GPC6: variants seen among roughly 807,000 people sequenced by gnomAD.
The protein encoded by GPC6 is glypican-6.
A neutral mutation model predicts 55.2 loss-of-function variants in GPC6; 14 were observed. The observed-to-expected ratio is 0.25, with a 90% CI of 0.17 to 0.40. The LOEUF is 0.40. GPC6 is among the 10% of genes least tolerant of loss of function. The pLI is 1.00. For missense variants in GPC6, 641 were observed against 708.5 expected (o/e 0.90, Z 1.08); for synonymous variants, 278 against 259.6 (o/e 1.07, Z -0.68).
chr13:93,585,843 T>C (rs956440900), intron 2 of GPC6, among the ~76,000 whole-genome samples: 10 of 152,198 alleles, frequency 6.6e-5, no homozygotes, highest in African/African-American at 2.2e-4. Context: ...GATATGGCTA[T>C]GTTATTTGTT....
chr13:93,341,206 AT>A (rs771353820), intron 1 of GPC6, among the ~76,000 whole-genome samples: 6 of 152,212 alleles, frequency 3.9e-5, no homozygotes, highest in Non-Finnish European at 8.8e-5. Flanking sequence ...ATTGTGTGCT[AT>A]AAACATATGT....
chr13:93,783,241 T>C (rs1404981170), intron 2 of GPC6, among the ~76,000 whole-genome samples: 1 of 152,214 alleles, frequency 6.6e-6, no homozygotes, highest in African/African-American at 2.4e-5. Context: ...TTGGGCTGAT[T>C]CCATGTCTTT....
In GPC6 at chr13:94,270,964, ATTTTTTTTTTTTTTTTTTTTTTTTT is replaced by A. The variant is rs764819082; in HGVS notation, c.878-15368_878-15344del. Among the ~76,000 whole-genome samples the A allele has an allele frequency of 4.0e-4, 20 of 49,674 alleles. 1 individual carries two copies. In the South Asian group the frequency reaches 7.0e-3, roughly 17 times the overall value. 32.6% of individuals were successfully genotyped at this position (49,674 alleles called of 152,430 possible). The stretch of plus-strand genomic sequence containing the variant: ...AAAGGACCAGAGACAGAGAAGTATA[ATTTTTTTTTTTTTTTTTTTTTTTTT>A]TTTTTTTTTTTTTTTTCTGAGACGG... On this transcript the variant is annotated intron_variant, in intron 4 of 8. Transcript: ENST00000377047.
intron 1 of GPC6, among the ~76,000 whole-genome samples, chr13:93,498,807 A>G (rs1253567903): frequency 6.6e-6 from 1 of 152,144 alleles, no homozygotes; most frequent in African/African-American, 2.4e-5. Flanking sequence ...CATATTCTTT[A>G]TGATATTACT....
chr13:93,532,197 A>G (rs1881894834), intron 1 of GPC6, among the ~76,000 whole-genome samples: 1 of 152,180 alleles, frequency 6.6e-6, no homozygotes, highest in Non-Finnish European at 1.5e-5. Flanking sequence ...ATGCATAACC[A>G]CAGTTTTCCT....
intron 3 of GPC6, among the ~76,000 whole-genome samples, chr13:93,889,847 T>A (rs912859765): frequency 9.2e-5 from 14 of 152,088 alleles, no homozygotes; most frequent in African/African-American, 3.4e-4. Context: ...GCCTCTTGCT[T>A]TTATCTAAGG....
rs573636207 is a variant in GPC6, at chr13:93,634,456, G to T, written c.319+89035G>T. Among the ~76,000 whole-genome samples the T allele has an allele frequency of 7.2e-5, 11 of 152,294 alleles. No individual in the cohort carries two copies. The East Asian group carries it at 1.9e-3, about 27-fold the overall frequency. On this transcript the variant is annotated intron_variant, in intron 2 of 8. Transcript: ENST00000377047. ...TCACTTAGAACCATAAATAAAGATTGTGTTCATATGCAAGTTATAGAAAAC... is the reference window on the plus strand; with the variant it reads ...TCACTTAGAACCATAAATAAAGATTTTGTTCATATGCAAGTTATAGAAAAC...
intron 1 of GPC6, among the ~76,000 whole-genome samples, chr13:93,541,109 T>C (rs931869675): frequency 3.3e-5 from 5 of 151,296 alleles, no homozygotes; most frequent in Admixed American, 6.6e-5. Flanking sequence ...TGTGCCATGC[T>C]GGTGTGCTGC....
At chr13:93,838,262 C>T (rs909754877) in intron 3 of GPC6, among the ~76,000 whole-genome samples, 2 of 152,142 alleles carry the variant, frequency 1.3e-5, no homozygotes, top group Non-Finnish European at 2.9e-5. Flanking sequence ...ATCAGGGTGA[C>T]AGACGTATGG....
At chr13:93,274,373 CT>C (rs1251986329) in intron 1 of GPC6, among the ~76,000 whole-genome samples, 10 of 152,128 alleles carry the variant, frequency 6.6e-5, no homozygotes, top group African/African-American at 2.2e-4. Context: ...TTATTGCCCC[CT>C]TAAGTGTCCT....
chr13:93,472,296 A>G (rs546251812), intron 1 of GPC6, among the ~76,000 whole-genome samples: 1 of 152,338 alleles, frequency 6.6e-6, no homozygotes, highest in East Asian at 1.9e-4. Flanking sequence ...CACAGGGCCC[A>G]TTCCATCCTC....
At chr13:94,348,698 A>G (rs1878401741) in intron 6 of GPC6, among the ~76,000 whole-genome samples, 1 of 152,172 alleles carries the variant, frequency 6.6e-6, no homozygotes, top group African/African-American at 2.4e-5. Flanking sequence ...CTGAACTCCT[A>G]TAGCACACAG....
In GPC6 at chr13:94,125,933, C is replaced by T. The variant is rs539805747; in HGVS notation, c.877+98039C>T. Reference sequence around the variant, plus strand: ...TTTCTGTGCAATATTATATCTTACACAATGAATATCAGTAACATCTCATGT... The same window carrying T: ...TTTCTGTGCAATATTATATCTTACATAATGAATATCAGTAACATCTCATGT... On this transcript the variant is annotated intron_variant, in intron 4 of 8. Transcript: ENST00000377047. Among the ~76,000 whole-genome samples the T allele has an allele frequency of 3.9e-5, 6 of 152,198 alleles. No individual in the cohort carries two copies. The South Asian group carries it at 8.3e-4, about 21-fold the overall frequency.
intron 3 of GPC6, among the ~76,000 whole-genome samples, chr13:93,959,232 G>A (rs1435535035): frequency 1.3e-5 from 2 of 149,504 alleles, no homozygotes; most frequent in African/African-American, 2.5e-5. Flanking sequence ...GTGTGATCTC[G>A]GCTCACTGCA....
chr13:94,188,736 A>G (rs1174237784), intron 4 of GPC6, among the ~76,000 whole-genome samples: 1 of 151,952 alleles, frequency 6.6e-6, no homozygotes, highest in Non-Finnish European at 1.5e-5. Context: ...GGACCTCTGT[A>G]TCTGGAGAGG....
intron 3 of GPC6, among the ~76,000 whole-genome samples, chr13:93,923,118 C>T (rs1229475827): frequency 6.6e-6 from 1 of 152,174 alleles, no homozygotes. Flanking sequence ...TGAACAGCCT[C>T]TCACATTAAC....
intron 4 of GPC6, among the ~76,000 whole-genome samples, chr13:94,190,962 GAGAGAGAGTGAC>G (rs1477021846): frequency 6.6e-6 from 1 of 152,066 alleles, no homozygotes; most frequent in Non-Finnish European, 1.5e-5. Context: ...ATATATATAA[GAGAGAGAGTGAC>G]AGCAAGCAGC....
In GPC6 at chr13:93,534,704, G is replaced by A. The variant is rs1313908005; in HGVS notation, c.161-10559G>A. 2.0e-5 allele frequency among the ~76,000 whole-genome samples: 3 copies of A among 152,204 alleles called. No individual in the cohort carries two copies. The East Asian group carries it at 5.8e-4, about 29-fold the overall frequency. ...ATATCTTGTGAAGAGCAACACGTAA[G>A]TTGAAAGAGGCATGCAGAGTGAGGA... On this transcript the variant is annotated intron_variant, in intron 1 of 8. Transcript: ENST00000377047.
intron 2 of GPC6, among the ~76,000 whole-genome samples, chr13:93,704,197 TA>T (rs1235368100): frequency 6.6e-6 from 1 of 151,888 alleles, no homozygotes; most frequent in Admixed American, 6.6e-5. Flanking sequence ...TGGGCACATA[TA>T]TGGAAGGGAA....
Sources: allele counts gnomAD v4.1 joint callset (sites outside exome capture counted in the v4.1 genomes callset), GRCh38; gene constraint gnomAD v4.1.1; transcripts MANE v1.5; gene names NCBI Gene and HGNC (gene_info 2026-07-23, HGNC 2026-07-21).